BCL2L14: variants seen among roughly 807,000 people sequenced by gnomAD.
BCL2L14 encodes the protein BCL2 like 14.
Under a neutral mutation model 35.3 loss-of-function variants are expected in BCL2L14, and 27 were observed. The observed-to-expected ratio is 0.76, with a 90% CI of 0.56 to 1.05. The LOEUF is 1.05. BCL2L14 is among the 50% of genes least tolerant of loss of function. BCL2L14 has a pLI of 0.00. For missense variants in BCL2L14, 377 were observed against 382.6 expected (o/e 0.99, Z 0.12); for synonymous variants, 139 against 145.9 (o/e 0.95, Z 0.34).
At chr12:12,079,251 G>A (rs755725657) in intron 1 of BCL2L14, 48 bp from the exon 2 acceptor site, 4 of 1,486,800 alleles carry the variant, frequency 2.7e-6, no homozygotes, top group South Asian at 2.5e-5. Context: ...CCTGCAAAGG[G>A]TAAGTGGCCC....
chr12:12,080,963 C>T (rs1288698012), intron 2 of BCL2L14, among the ~76,000 whole-genome samples: 2 of 152,112 alleles, frequency 1.3e-5, no homozygotes, highest in Admixed American at 6.6e-5. Context: ...GTGGGTGGAT[C>T]GGTTGAGCTC....
At chr12:12,066,923 G>A (rs774370451), upstream of BCL2L14, among the ~76,000 whole-genome samples, 10 of 152,028 alleles carry the variant, frequency 6.6e-5, no homozygotes, top group Non-Finnish European at 1.2e-4. Flanking sequence ...TGTTAGCCAG[G>A]ATGGTCTCGA....
chr12:12,085,474 T>C (rs1030697031), intron 2 of BCL2L14, among the ~76,000 whole-genome samples: 7 of 152,224 alleles, frequency 4.6e-5, no homozygotes, highest in Non-Finnish European at 8.8e-5. Flanking sequence ...GATTACAAAG[T>C]GGAAAGTCTG....
intron 2 of BCL2L14, among the ~76,000 whole-genome samples, chr12:12,063,129 C>T (rs1449408535): frequency 1.3e-5 from 2 of 151,538 alleles, no homozygotes; most frequent in Non-Finnish European, 2.9e-5. Flanking sequence ...TCCCTACTAT[C>T]TTCTGTCTAG....
chr12:12,091,909 T>C (rs1350397306), intron 4 of BCL2L14, among the ~76,000 whole-genome samples: 1 of 152,168 alleles, frequency 6.6e-6, no homozygotes, highest in Non-Finnish European at 1.5e-5. Flanking sequence ...GGTGATTGAT[T>C]TCTCCTTATG....
upstream of BCL2L14, among the ~76,000 whole-genome samples, chr12:12,067,246 T>C (rs1014812687): frequency 6.6e-6 from 1 of 152,100 alleles, no homozygotes; most frequent in Non-Finnish European, 1.5e-5. Flanking sequence ...ATTTACAAAA[T>C]AAGTTTATTA....
At chr12:12,098,822 TC>T in intron 5 of BCL2L14, 127 bp from the exon 6 acceptor site, 2 of 725,510 alleles carry the variant, frequency 2.8e-6, no homozygotes, top group Admixed American at 2.1e-5. Flanking sequence ...CTCCAAACCC[TC>T]CCCCAAACTA....
At chr12:12,072,347 C>CA (rs1327032602) in intron 1 of BCL2L14, 1 of 152,336 alleles carries the variant, frequency 6.6e-6, no homozygotes, top group African/African-American at 2.4e-5. Context: ...GTGGCCTTCC[C>CA]AGCCGGCCTC....
rs777336275 is a variant in BCL2L14, at chr12:12,087,285, C to T, written c.506C>T (p.Ala169Val). The change falls in exon 3 of 6, where the codon GCG becomes GTG. Residue 169 changes from alanine to valine, a missense_variant. Ala to Val is a moderately conservative substitution (Grantham distance 64). Coordinates refer to ENST00000308721, the MANE Select transcript of BCL2L14 (RefSeq NM_138723.2). ...EIVYSWPPPQATQAGGFKSKE... is the reference protein window; with the variant it reads ...EIVYSWPPPQVTQAGGFKSKE... Reference sequence around the variant, plus strand: ...GTTTACTCCTGGCCACCACCACAAGCGACCCAGGCAGGAGGCTTCAAGTCC... The same window carrying T: ...GTTTACTCCTGGCCACCACCACAAGTGACCCAGGCAGGAGGCTTCAAGTCC... The T allele has an allele frequency of 5.0e-6, 8 of 1,614,114 alleles. No individual in the cohort carries two copies. The highest frequency in any genetic ancestry group is 2.2e-5 in the East Asian group (1 of 44,882).
chr12:12,061,405 T>G (rs1948524112), intron 2 of BCL2L14, among the ~76,000 whole-genome samples: 1 of 152,020 alleles, frequency 6.6e-6, no homozygotes, highest in Non-Finnish European at 1.5e-5. Flanking sequence ...TTAAAAGGAT[T>G]AAAGCCTGTT....
At position 12,058,938 on chromosome 12, in the gene BCL2L14, C is replaced by T. The variant is rs1210083939; in HGVS notation, c.-272+7091C>T. 9.9e-5 allele frequency among the ~76,000 whole-genome samples: 15 copies of T among 152,200 alleles called. No homozygotes were observed. In the East Asian group the frequency reaches 2.5e-3, roughly 25 times the overall value. ...CACCAATTTCAAATCCAGTAAGCGG[C>T]CTCTTTTTACTCTCTTCTCCAACCT... On this transcript the variant is annotated intron_variant, in intron 2 of 3. Coordinates refer to the BCL2L14 transcript ENST00000461264.
chr12:12,070,631 C>T (rs1948654923), upstream of BCL2L14, among the ~76,000 whole-genome samples: 1 of 151,546 alleles, frequency 6.6e-6, no homozygotes, highest in African/African-American at 2.4e-5. Context: ...GCGCCAAGAT[C>T]GCACCACTGC....
chr12:12,059,084 A>G (rs1948480175), intron 2 of BCL2L14, among the ~76,000 whole-genome samples: 1 of 152,158 alleles, frequency 6.6e-6, no homozygotes, highest in Non-Finnish European at 1.5e-5. Flanking sequence ...TTATCCGTAG[A>G]CCCAAAACTC....
chr12:12,070,504 CT>C (rs1311406440), upstream of BCL2L14, among the ~76,000 whole-genome samples: 1 of 152,064 alleles, frequency 6.6e-6, no homozygotes. Context: ...GGTGAAACCC[CT>C]GTCTCTACTA....
chr12:12,086,958 A>G (rs899862384), intron 2 of BCL2L14, among the ~76,000 whole-genome samples: 11 of 152,206 alleles, frequency 7.2e-5, no homozygotes, highest in African/African-American at 2.7e-4. Flanking sequence ...CTAATTTTGC[A>G]AGACTTCAAA....
intron 2 of BCL2L14, among the ~76,000 whole-genome samples, chr12:12,054,011 G>A (rs2927910): frequency 0.81 from 123,192 of 152,154 alleles, 49,984 homozygotes; most frequent in East Asian, 0.98. Flanking sequence ...TACCTCTCCC[G>A]GTTTAGTAAT....
intron 4 of BCL2L14, among the ~76,000 whole-genome samples, chr12:12,091,542 G>A (rs976397346): frequency 2.3e-4 from 35 of 152,340 alleles, no homozygotes; most frequent in Non-Finnish European, 4.1e-4. Flanking sequence ...CTGGCTTGCA[G>A]ACATAGACCC....
chr12:12,097,507 A>G (rs1327487719), intron 5 of BCL2L14, among the ~76,000 whole-genome samples: 2 of 152,256 alleles, frequency 1.3e-5, no homozygotes, highest in Non-Finnish European at 2.9e-5. Flanking sequence ...TACAGAAAGT[A>G]GACTCGTTGC....
Position 12,087,333 on chromosome 12 carries a change from GTC to G in BCL2L14, c.559_560del (p.Ser187LeufsTer14). 1 of 1,614,232 alleles carries G rather than the reference GTC, an allele frequency of 6.2e-7. No homozygotes were observed. The highest frequency in any genetic ancestry group is 1.3e-5 in the African/African-American group (1 of 75,074). On this transcript the variant is annotated frameshift_variant, in exon 3 of 6. Coordinates refer to ENST00000308721, the MANE Select transcript of BCL2L14 (RefSeq NM_138723.2). LOFTEE classifies it high-confidence loss of function. ...TCCAAAGAGATTTTTGTAACTGAGG[GTC>G]TCTCCTTCCAGCTCCAAGGCCACGT...
Sources: gnomAD v4.1 joint callset for allele counts (sites outside exome capture counted in the v4.1 genomes callset) on GRCh38, gnomAD v4.1.1 for gene constraint, MANE v1.5 for transcripts, NCBI Gene and HGNC (gene_info 2026-07-23, HGNC 2026-07-21) for gene names.